Variants in BRD10 observed in about 807,000 individuals in gnomAD.
BRD10 encodes the protein bromodomain containing 10, also known as uncharacterized bromodomain-containing protein 10.
chr9:5,931,609 T>C, the BRD10 span, among the ~76,000 whole-genome samples: 1 of 152,054 alleles, frequency 6.6e-6, no homozygotes, highest in African/African-American at 2.4e-5. Context: ...TTCTTCTCTT[T>C]CTTTATGTAT....
At chr9:5,924,959 G>A in the BRD10 span, 2 of 755,044 alleles carry the variant, frequency 2.6e-6, no homozygotes, top group Admixed American at 3.6e-5. Context: ...TAAGTCACTA[G>A]AAATGCTTTA....
chr9:5,994,183 A>G, the BRD10 span, among the ~76,000 whole-genome samples: 1 of 152,180 alleles, frequency 6.6e-6, no homozygotes, highest in Non-Finnish European at 1.5e-5. Flanking sequence ...ATGTTAAAAA[A>G]TTTTTTAAAT....
chr9:5,962,926 TC>T, the BRD10 span, among the ~76,000 whole-genome samples: 1 of 127,286 alleles, frequency 7.9e-6, no homozygotes, highest in Admixed American at 8.5e-5. Context: ...ATAAGAGCTA[TC>T]TATGACAAAC....
the BRD10 span, chr9:5,920,967 G>C: frequency 6.2e-7 from 1 of 1,613,828 alleles, no homozygotes; most frequent in Non-Finnish European, 8.5e-7. Flanking sequence ...ACAGGAGGTT[G>C]TGCCCCAGCT....
At chr9:6,007,103 C>T in the BRD10 span, 2 of 1,320,342 alleles carry the variant, frequency 1.5e-6, no homozygotes, top group East Asian at 2.3e-5. Flanking sequence ...ATCAGCGCCG[C>T]CCCCAGGCCC....
the BRD10 span, among the ~76,000 whole-genome samples, chr9:5,951,225 TAGG>T: frequency 6.6e-6 from 1 of 151,748 alleles, no homozygotes; most frequent in African/African-American, 2.4e-5. Flanking sequence ...CTGAAGCAAA[TAGG>T]GGGGCAAGTT....
the BRD10 span, among the ~76,000 whole-genome samples, chr9:6,002,260 TTC>T: frequency 2.6e-5 from 4 of 152,250 alleles, no homozygotes; most frequent in African/African-American, 4.8e-5. Flanking sequence ...TCTTTCATAC[TTC>T]TGTTACTGCA....
the BRD10 span, among the ~76,000 whole-genome samples, chr9:5,917,211 T>C: frequency 1.3e-5 from 2 of 152,190 alleles, no homozygotes; most frequent in Non-Finnish European, 2.9e-5. Context: ...GCTATGTTGT[T>C]CTCAGTCTGA....
chr9:5,918,031 T>C, the BRD10 span, among the ~76,000 whole-genome samples: 1 of 152,246 alleles, frequency 6.6e-6, no homozygotes, highest in East Asian at 1.9e-4. Flanking sequence ...AGCCATTTGT[T>C]GAGCACCATC....
At chr9:5,928,502 A>G in the BRD10 span, among the ~76,000 whole-genome samples, 6 of 151,764 alleles carry the variant, frequency 4.0e-5, 1 homozygote, top group East Asian at 9.7e-4. Context: ...TACCTCTCTG[A>G]CTCTTGCCTG....
At chr9:5,919,876 G>A in the BRD10 span, 176 of 1,613,782 alleles carry the variant, frequency 1.1e-4, no homozygotes, top group Middle Eastern at 8.2e-4. Context: ...TGACAGGTGG[G>A]TCCAAATGAA....
the BRD10 span, among the ~76,000 whole-genome samples, chr9:5,930,123 T>A: frequency 6.7e-6 from 1 of 149,990 alleles, no homozygotes. Context: ...CATGTTGGGT[T>A]TTTTTTTTGT....
chr9:6,008,416 C>A, the BRD10 span, among the ~76,000 whole-genome samples: 2 of 151,978 alleles, frequency 1.3e-5, no homozygotes, highest in African/African-American at 4.8e-5. Flanking sequence ...CTCAGCCCCC[C>A]GGCTGGGAAG....
chr9:6,007,080 C>T, the BRD10 span: 3 of 1,062,748 alleles, frequency 2.8e-6, no homozygotes, highest in Non-Finnish European at 4.1e-6. Flanking sequence ...TCTCCAGCAC[C>T]GACTCAGCAC....
chr9:5,885,454 T>C, the BRD10 span, among the ~76,000 whole-genome samples: 3 of 151,190 alleles, frequency 2.0e-5, no homozygotes, highest in African/African-American at 7.3e-5. Flanking sequence ...CACTGCAACC[T>C]CCACTTCCCA....
At chr9:5,890,225 T>TA in the BRD10 span, among the ~76,000 whole-genome samples, 1 of 152,300 alleles carries the variant, frequency 6.6e-6, no homozygotes, top group East Asian at 1.9e-4. Context: ...CAAACCTTGT[T>TA]ACAATGACAT....
the BRD10 span, among the ~76,000 whole-genome samples, chr9:5,971,161 G>T: frequency 6.6e-6 from 1 of 151,332 alleles, no homozygotes; most frequent in African/African-American, 2.4e-5. Context: ...ATGAAAAGAT[G>T]CTCAGCCTCA....
chr9:5,907,033 A>G, the BRD10 span: 3 of 1,367,930 alleles, frequency 2.2e-6, no homozygotes, highest in Non-Finnish European at 3.0e-6. Flanking sequence ...TATTTTCATG[A>G]ATGGCTGTTT....
the BRD10 span, among the ~76,000 whole-genome samples, chr9:5,905,792 G>C: frequency 6.6e-6 from 1 of 152,138 alleles, no homozygotes; most frequent in South Asian, 2.1e-4. Context: ...CTGTCTTCCT[G>C]AAACATATAA....
Sources: gnomAD v4.1 joint callset for allele counts (sites outside exome capture counted in the v4.1 genomes callset) on GRCh38, gnomAD v4.1.1 for gene constraint, MANE v1.5 for transcripts, NCBI Gene and HGNC (gene_info 2026-07-23, HGNC 2026-07-21) for gene names.